HEXD: variants seen among roughly 807,000 people sequenced by gnomAD.
The protein encoded by HEXD is N-acetyl-beta-galactosaminidase.
A neutral mutation model predicts 54.2 loss-of-function variants in HEXD; 47 were observed. The observed-to-expected ratio is 0.87, with a 90% CI of 0.69 to 1.11. The LOEUF (loss-of-function observed/expected upper bound fraction) is 1.11, where lower values mean the gene tolerates loss of function less well. HEXD is among the 50% of genes least tolerant of loss of function. HEXD has a pLI of 0.00. For synonymous variants in HEXD, 293 were observed against 287.6 expected (o/e 1.02, Z -0.19); for missense variants, 576 against 649.2 (o/e 0.89, Z 1.23).
In HEXD at chr17:82,422,669, G is replaced by A. The variant is rs960140905; in HGVS notation, c.85-1725G>A. ...GAAAGTGCAGTATTTGGAAACAGAT[G>A]ACAGAAAAGAAAAAAGCAAACAGAG... On this transcript the variant is annotated intron_variant, in intron 2 of 12. Coordinates refer to ENST00000327949, the MANE Select transcript of HEXD (RefSeq NM_001330542.2). 7.2e-5 allele frequency among the ~76,000 whole-genome samples: 11 copies of A among 152,330 alleles called. No individual in the cohort carries two copies. The South Asian group carries it at 1.0e-3, about 14-fold the overall frequency.
At chr17:82,436,618 A>G (rs773804554) in intron 6 of HEXD, 49 bp from the exon 7 acceptor site, 2 of 1,508,838 alleles carry the variant, frequency 1.3e-6, no homozygotes, top group South Asian at 1.2e-5. Flanking sequence ...CGAGGGGCTG[A>G]GAGTGTGGTC....
At chr17:82,437,492 G>T in intron 8 of HEXD, 129 bp downstream of exon 8, 1 of 817,260 alleles carries the variant, frequency 1.2e-6, no homozygotes, top group South Asian at 2.1e-5. Flanking sequence ...CCTCCAAGAG[G>T]AGCTGCAGAA....
chr17:82,442,276 G>A lies in HEXD; in HGVS notation c.1353G>A (p.Val451=), dbSNP rs2054011466. 2 of 1,607,312 alleles carry A rather than the reference G, an allele frequency of 1.2e-6. No homozygotes were observed. Among genetic ancestry groups the A allele is most frequent in the African/African-American group, 1.3e-5 (1 of 75,048 alleles). Residue 451 remains valine, a synonymous_variant, in exon 13 of 13, where the codon GTG becomes GTA. Coordinates refer to ENST00000327949, the MANE Select transcript of HEXD (RefSeq NM_001330542.2). This position sits in a 1 kb window ranked among gnomAD's most constrained non-coding sequence, Gnocchi z 6.8. ...DAVEEWLEEN[V]HPSLQRLQAL... ...TGGAGGAGTGGCTGGAGGAAAACGT[G>A]CACCCCAGCCTGCAGCGGCTGCAAG... is the stretch of plus-strand genomic sequence containing the variant.
chr17:82,439,127 CT>C (rs1479541916), intron 8 of HEXD, among the ~76,000 whole-genome samples: 1 of 152,254 alleles, frequency 6.6e-6, no homozygotes, highest in Non-Finnish European at 1.5e-5. Flanking sequence ...GATGCTGCCC[CT>C]GACCTGCTGC....
intron 4 of HEXD, among the ~76,000 whole-genome samples, chr17:82,431,149 C>T (rs1340596449): frequency 2.1e-5 from 3 of 141,918 alleles, no homozygotes; most frequent in Admixed American, 7.4e-5. Flanking sequence ...ACCACAGGTG[C>T]GTGCCACCAT....
rs1367534689 is a variant in HEXD at position 82,436,664 on chromosome 17, C to T, written c.632-3C>T. ...ACCAACCTCACGTCCGCTCTGTCTG[C>T]AGCGTCCGGGGTGCCGCAGCTGGTG... On this transcript the variant is annotated splice_polypyrimidine_tract_variant and splice_region_variant and intron_variant, in intron 6 of 12. Coordinates refer to ENST00000327949, the MANE Select transcript of HEXD (RefSeq NM_001330542.2). The T allele has an allele frequency of 1.9e-6, 3 of 1,608,322 alleles. No individual in the cohort carries two copies. The highest frequency in any genetic ancestry group is 2.7e-5 in the African/African-American group (2 of 74,920).
At chr17:82,433,086 A>AG in intron 4 of HEXD, among the ~76,000 whole-genome samples, 1 of 17,788 alleles carries the variant, frequency 5.6e-5, no homozygotes, top group African/African-American at 4.2e-4. Flanking sequence ...AGAAAAAAAA[A>AG]AAAAAATATA....
intron 9 of HEXD, chr17:82,440,290 A>C (rs2053894326): frequency 7.8e-7 from 1 of 1,276,226 alleles, no homozygotes; most frequent in African/African-American, 1.5e-5. Flanking sequence ...ACGCGCGGAG[A>C]GCGGGACCCG....
rs888298825 is a variant in HEXD, at chr17:82,434,220, T to G, written c.447+398T>G. Among the ~76,000 whole-genome samples, 1 of 152,116 alleles carries G rather than the reference T, an allele frequency of 6.6e-6. No individual in the cohort carries two copies. Among genetic ancestry groups the G allele is most frequent in the African/African-American group, 2.4e-5 (1 of 41,430 alleles). ...CAGGGTGTAACTCGAGGGACACCCT[T>G]TTGTTGCTGAGAGGAAGTTCTGCAT... is the stretch of plus-strand genomic sequence containing the variant. On this transcript the variant is annotated intron_variant, in intron 5 of 12. Transcript: ENST00000327949. The surrounding 1 kb of genome is among the most constrained non-coding windows in gnomAD (Gnocchi z 4.5).
rs758027464 is a variant in HEXD, at chr17:82,437,165, C to T, written c.704-3C>T. 1 of 1,577,850 alleles carries T rather than the reference C, an allele frequency of 6.3e-7. No individual in the cohort carries two copies. The highest frequency in any genetic ancestry group is 8.6e-7 in the Non-Finnish European group (1 of 1,157,002). On this transcript the variant is annotated splice_region_variant and splice_polypyrimidine_tract_variant and intron_variant, in intron 7 of 12. Transcript: ENST00000327949. The stretch of plus-strand genomic sequence containing the variant: ...CCACTCACCTGTTTGCTTTCTCACC[C>T]AGTCCTCCTCATGCAGAAGTACCGG...
intron 3 of HEXD, chr17:82,425,538 G>A (rs1402488751): frequency 6.5e-6 from 1 of 152,772 alleles, no homozygotes; most frequent in Admixed American, 6.5e-5. Flanking sequence ...CAGGTGTGGT[G>A]GAGATGGGAG....
rs1467211033 is a variant in HEXD at position 82,440,611 on chromosome 17, T to C, written c.983-386T>C. ...TCCACGCTGGTGCCTGCAGGCCTCATGGGTTTGTTTCGGGTGCTCTAGAAT... is the reference window on the plus strand; with the variant it reads ...TCCACGCTGGTGCCTGCAGGCCTCACGGGTTTGTTTCGGGTGCTCTAGAAT... On this transcript the variant is annotated intron_variant, in intron 9 of 12. Transcript: ENST00000327949. 12 of 322,058 alleles carry C rather than the reference T, an allele frequency of 3.7e-5. No homozygotes were observed. The East Asian group carries it at 1.2e-3, about 32-fold the overall frequency. The allele number at this position is 322,058 out of a possible 1,614,324, so 20.0% of individuals were successfully genotyped here.
intron 3 of HEXD, chr17:82,425,701 C>T (rs2143436209): frequency 6.6e-6 from 1 of 152,592 alleles, no homozygotes; most frequent in African/African-American, 2.4e-5. Context: ...GGAGCAGTGG[C>T]TCACGCCTGT....
Position 82,424,381 on chromosome 17 carries a change from G to A in HEXD, c.85-13G>A. On this transcript the variant is annotated splice_polypyrimidine_tract_variant and intron_variant, in intron 2 of 12. Coordinates refer to ENST00000327949, the MANE Select transcript of HEXD (RefSeq NM_001330542.2). ...AGCCACTTCTTCCTAACCCCTCCCT[G>A]TTTACCCCCCAGATTTTTCCTCTGT... 1 of 1,596,936 alleles carries A rather than the reference G, an allele frequency of 6.3e-7. No individual in the cohort carries two copies. Among genetic ancestry groups the A allele is most frequent in the Non-Finnish European group, 8.6e-7 (1 of 1,164,454 alleles).
intron 8 of HEXD, among the ~76,000 whole-genome samples, chr17:82,437,652 G>A (rs2053810861): frequency 6.6e-6 from 1 of 151,240 alleles, no homozygotes; most frequent in Non-Finnish European, 1.5e-5. Context: ...TGTGTGTCTT[G>A]CTTGTGGCAC....
intron 8 of HEXD, 125 bp from the exon 9 acceptor site, chr17:82,439,506 G>A (rs2053865551): frequency 6.8e-7 from 1 of 1,463,698 alleles, no homozygotes; most frequent in Non-Finnish European, 9.0e-7. Context: ...GAGGGGGTCG[G>A]GCTGCCCCCA....
At chr17:82,441,713 A>G (rs2053980780) in intron 11 of HEXD, 87 bp from the exon 12 acceptor site, 2 of 996,048 alleles carry the variant, frequency 2.0e-6, no homozygotes, top group Non-Finnish European at 3.2e-6. Context: ...TGTCAACCCC[A>G]TTCTTAAACA....
At position 82,437,375 on chromosome 17, in the gene HEXD, C is replaced by A. The variant is rs1005171715; in HGVS notation, c.899+12C>A. On this transcript the variant is annotated intron_variant, in intron 8 of 12. Transcript: ENST00000327949. Reference sequence around the variant, plus strand: ...ACCGGCTGGCAGAGGTAAGTCCTGGCCAGTCTGTCCTCAGAGGGTCCAGGG... The same window carrying A: ...ACCGGCTGGCAGAGGTAAGTCCTGGACAGTCTGTCCTCAGAGGGTCCAGGG... 3 of 1,574,592 alleles carry A rather than the reference C, an allele frequency of 1.9e-6. No individual in the cohort carries two copies. Among genetic ancestry groups the A allele is most frequent in the Non-Finnish European group, 2.6e-6 (3 of 1,158,286 alleles).
At chr17:82,421,845 C>CA (rs1404691259) in intron 2 of HEXD, among the ~76,000 whole-genome samples, 5 of 150,384 alleles carry the variant, frequency 3.3e-5, no homozygotes, top group Admixed American at 3.3e-4. Context: ...AAAAAAGAAG[C>CA]AAAAAAGAGT....
Sources: allele counts gnomAD v4.1 joint callset (sites outside exome capture counted in the v4.1 genomes callset), GRCh38; gene constraint gnomAD v4.1.1; non-coding constraint Gnocchi (gnomAD v3.1); transcripts MANE v1.5; gene names NCBI Gene and HGNC (gene_info 2026-07-23, HGNC 2026-07-21).